The following DPYD variants were observed in gnomAD, a reference collection of about 807,000 sequenced individuals.
DPYD encodes the protein dihydropyrimidine dehydrogenase.
A neutral mutation model predicts 116.2 loss-of-function variants in DPYD; 109 were observed. The ratio of observed to expected loss-of-function variants is 0.94; its 90% CI spans 0.80 to 1.10. DPYD has a LOEUF of 1.10. Ranked by LOEUF, DPYD falls within the 50% of genes least tolerant of loss-of-function variation. The pLI is 0.00. For synonymous variants in DPYD, 440 were observed against 432.0 expected, an observed-to-expected ratio of 1.02 and a Z score of -0.23; for missense variants, 1,302 against 1,254.5, an observed-to-expected ratio of 1.04 and a Z score of -0.57.
intron 8 of DPYD, among the ~76,000 whole-genome samples, chr1:97,606,975 A>G (rs1655639409): frequency 6.6e-6 from 1 of 151,938 alleles, no homozygotes; most frequent in South Asian, 2.1e-4. Context: ...TATAGTGTTC[A>G]TATTACGACA....
chr1:97,421,087 A>G (rs1247694718), intron 14 of DPYD, among the ~76,000 whole-genome samples: 1 of 152,108 alleles, frequency 6.6e-6, no homozygotes, highest in African/African-American at 2.4e-5. Context: ...ATATTATCTT[A>G]GTATCTTCAC....
chr1:97,368,337 T>G (rs1054936095), intron 16 of DPYD, among the ~76,000 whole-genome samples: 1 of 152,182 alleles, frequency 6.6e-6, no homozygotes, highest in Non-Finnish European at 1.5e-5. Context: ...ATAAGGGAGA[T>G]GAATTGGAAA....
At chr1:97,858,101 TG>T (rs1458455556) in intron 2 of DPYD, among the ~76,000 whole-genome samples, 4 of 152,136 alleles carry the variant, frequency 2.6e-5, no homozygotes, top group African/African-American at 9.7e-5. Flanking sequence ...TATAGCAAAA[TG>T]CTTTTCTCGT....
intron 8 of DPYD, among the ~76,000 whole-genome samples, chr1:97,611,615 C>T (rs944906976): frequency 6.6e-6 from 1 of 151,948 alleles, no homozygotes; most frequent in Admixed American, 6.6e-5. Flanking sequence ...AATTCCACAT[C>T]ATCACAGCAG....
intron 10 of DPYD, among the ~76,000 whole-genome samples, chr1:97,577,583 C>G (rs1479416512): frequency 6.6e-6 from 1 of 152,112 alleles, no homozygotes; most frequent in Admixed American, 6.6e-5. Context: ...TGTGTGGCCT[C>G]TGTGCATTAT....
intron 12 of DPYD, among the ~76,000 whole-genome samples, chr1:97,528,778 T>C (rs1409060861): frequency 6.6e-6 from 1 of 152,158 alleles, no homozygotes; most frequent in East Asian, 1.9e-4. Flanking sequence ...CACTATTATC[T>C]CTTACTGAGA....
intron 14 of DPYD, among the ~76,000 whole-genome samples, chr1:97,423,145 G>T (rs1174000202): frequency 6.6e-6 from 1 of 152,028 alleles, no homozygotes; most frequent in Non-Finnish European, 1.5e-5. Context: ...TAAAAATGTT[G>T]GTCCTAGCAA....
chr1:97,695,209 G>A (rs1661228608), intron 6 of DPYD, among the ~76,000 whole-genome samples: 1 of 151,854 alleles, frequency 6.6e-6, no homozygotes, highest in Non-Finnish European at 1.5e-5. Flanking sequence ...GAATTTTTGT[G>A]TTTAAAATTG....
chr1:97,659,391 A>G (rs1173497044), intron 8 of DPYD, among the ~76,000 whole-genome samples: 1 of 152,190 alleles, frequency 6.6e-6, no homozygotes, highest in African/African-American at 2.4e-5. Context: ...TTTAGATTAT[A>G]AATACAGTCT....
chr1:97,496,220 T>C (rs906261814), intron 13 of DPYD, among the ~76,000 whole-genome samples: 1 of 152,080 alleles, frequency 6.6e-6, no homozygotes, highest in Non-Finnish European at 1.5e-5. Flanking sequence ...ATACGTTCAC[T>C]TTGCTCTAGA....
intron 8 of DPYD, among the ~76,000 whole-genome samples, chr1:97,621,210 T>C (rs1357490832): frequency 6.6e-6 from 1 of 152,174 alleles, no homozygotes; most frequent in East Asian, 1.9e-4. Context: ...CACTTTTGTA[T>C]CATTTTAAAC....
intron 3 of DPYD, among the ~76,000 whole-genome samples, chr1:97,823,555 G>T (rs565515422): frequency 6.6e-6 from 1 of 152,112 alleles, no homozygotes; most frequent in East Asian, 1.9e-4. Flanking sequence ...TGAGATGAAC[G>T]TCTTTAAATT....
chr1:97,292,403 C>T lies in DPYD; in HGVS notation c.2299+12856G>A, dbSNP rs530351080. On this transcript the variant is annotated intron_variant, in intron 18 of 22. Coordinates refer to ENST00000370192, the MANE Select transcript of DPYD (RefSeq NM_000110.4). Reference sequence around the variant, plus strand: ...TTCACGTGTTGGCAGCAAGGAGAAGCGCAGAGTGAAGTGGGGGAAAAGCCC... The same window carrying T: ...TTCACGTGTTGGCAGCAAGGAGAAGTGCAGAGTGAAGTGGGGGAAAAGCCC... Among the ~76,000 whole-genome samples, 19 of 152,136 alleles carry T rather than the reference C, an allele frequency of 1.2e-4. No homozygotes were observed. In the South Asian group the frequency reaches 2.1e-3, roughly 17 times the overall value.
In DPYD at chr1:97,351,378, G is replaced by A. The variant is rs372791737; in HGVS notation, c.2058+22183C>T. On this transcript the variant is annotated intron_variant, in intron 16 of 22. Transcript: ENST00000370192. The stretch of plus-strand genomic sequence containing the variant: ...AAATGAGAGAAGATGTTCCCACGGC[G>A]TTTGCAAAATGATATTAAAAGAACC... 1.1e-4 allele frequency among the ~76,000 whole-genome samples: 16 copies of A among 152,076 alleles called. No homozygotes were observed. In the South Asian group the frequency reaches 2.9e-3, roughly 28 times the overall value.
chr1:97,586,497 T>C (rs1017107724), intron 10 of DPYD, among the ~76,000 whole-genome samples: 5 of 121,236 alleles, frequency 4.1e-5, no homozygotes, highest in East Asian at 2.4e-4. Flanking sequence ...TATATATATA[T>C]ATATATATAT....
chr1:97,379,147 A>G (rs1671796930), intron 15 of DPYD, among the ~76,000 whole-genome samples: 1 of 152,112 alleles, frequency 6.6e-6, no homozygotes, highest in African/African-American at 2.4e-5. Flanking sequence ...TGAGGAAGAG[A>G]GAACATTGCA....
chr1:97,563,145 T>C (rs1234499809), intron 11 of DPYD, among the ~76,000 whole-genome samples: 1 of 152,194 alleles, frequency 6.6e-6, no homozygotes, highest in African/African-American at 2.4e-5. Flanking sequence ...AAAATACATA[T>C]AATTAAGAAC....
intron 5 of DPYD, among the ~76,000 whole-genome samples, chr1:97,703,807 G>A (rs1190301670): frequency 6.6e-6 from 1 of 152,092 alleles, no homozygotes; most frequent in East Asian, 1.9e-4. Context: ...TAGAGGCAGT[G>A]AGTTTGTAGT....
intron 1 of DPYD, among the ~76,000 whole-genome samples, chr1:97,904,678 C>CT (rs1414911465): frequency 6.6e-6 from 1 of 152,020 alleles, no homozygotes; most frequent in Non-Finnish European, 1.5e-5. Flanking sequence ...TAAAAATGTA[C>CT]TGTTCTTTGT....
Sources: allele counts gnomAD v4.1 joint callset (sites outside exome capture counted in the v4.1 genomes callset), GRCh38; gene constraint gnomAD v4.1.1; transcripts MANE v1.5; gene names NCBI Gene and HGNC (gene_info 2026-07-23, HGNC 2026-07-21).